Variants in KDM4B observed in about 807,000 individuals in gnomAD.
KDM4B encodes lysine demethylase 4B, also known as lysine-specific demethylase 4B.
A neutral mutation model predicts 125.2 loss-of-function variants in KDM4B; 32 were observed. The ratio of observed to expected loss-of-function variants is 0.26; its 90% CI spans 0.19 to 0.34. The LOEUF is 0.34. Ranked by LOEUF, KDM4B falls within the 10% of genes least tolerant of loss-of-function variation. The pLI is 1.00. For missense variants in KDM4B, 1,190 were observed against 1,577.7 expected, an observed-to-expected ratio of 0.75 and a Z score of 4.16; for synonymous variants, 721 against 677.9, an observed-to-expected ratio of 1.06 and a Z score of -0.99.
At chr19:5,079,220 G>A (rs560379816) in intron 8 of KDM4B, 2 of 152,314 alleles carry the variant, frequency 1.3e-5, no homozygotes, top group Admixed American at 6.5e-5. Context: ...AGGAAACCGA[G>A]TTCCGGGCTT....
rs1160102872 is a variant in KDM4B at position 5,081,272 on chromosome 19, C to T, written c.781-1095C>T. Among the ~76,000 whole-genome samples, 1 of 152,172 alleles carries T rather than the reference C, an allele frequency of 6.6e-6. No homozygotes were observed. The highest frequency in any genetic ancestry group is 1.5e-5 in the Non-Finnish European group (1 of 68,022). ...CTCCTAGAAGCCCTTGGCCTGAGCC[C>T]CGGGGTGCAGCAGGTGGGAGCCATC... is the stretch of plus-strand genomic sequence containing the variant. On this transcript the variant is annotated intron_variant, in intron 8 of 22. Transcript: ENST00000159111. The surrounding 1 kb of genome is among the most constrained non-coding windows in gnomAD (Gnocchi z 4.2).
At chr19:4,991,050 G>A (rs1181812690) in intron 1 of KDM4B, among the ~76,000 whole-genome samples, 2 of 152,142 alleles carry the variant, frequency 1.3e-5, no homozygotes, top group Non-Finnish European at 2.9e-5. Context: ...CCCAGGAGGC[G>A]GAGGATGCAG....
In KDM4B at chr19:5,081,600, T is replaced by C. The variant is rs1029157940; in HGVS notation, c.781-767T>C. ...TGCTTCAGAGACCTGCAAAGTCGAATGGGCCGAACATCCGAATTGGACCTG... is the reference window on the plus strand; with the variant it reads ...TGCTTCAGAGACCTGCAAAGTCGAACGGGCCGAACATCCGAATTGGACCTG... On this transcript the variant is annotated intron_variant, in intron 8 of 22. Transcript: ENST00000159111. The surrounding 1 kb of genome is among the most constrained non-coding windows in gnomAD (Gnocchi z 4.2). Among the ~76,000 whole-genome samples, 1 of 152,192 alleles carries C rather than the reference T, an allele frequency of 6.6e-6. No individual in the cohort carries two copies. Among genetic ancestry groups the C allele is most frequent in the East Asian group, 1.9e-4 (1 of 5,190 alleles).
rs2039149755 is a variant in KDM4B at position 5,111,697 on chromosome 19, G to A, written c.1115+879G>A. ...CTGAGCATGAGCTGGAGCCGGGAGG[G>A]ACGGCACAGAGTGGGCTCAGCCAAC... On this transcript the variant is annotated intron_variant, in intron 10 of 22. Coordinates refer to ENST00000159111, the MANE Select transcript of KDM4B (RefSeq NM_015015.3). The A allele has an allele frequency of 5.3e-6, 4 of 749,666 alleles. No homozygotes were observed. In the Admixed American group the frequency reaches 6.9e-5, roughly 13 times the overall value. 46.4% of individuals were successfully genotyped at this position (749,666 alleles called of 1,614,324 possible). A position where few individuals can be genotyped will look rare whatever the true frequency, so the allele number is the denominator to read the frequency against.
chr19:5,093,429 G>A (rs1359603520), intron 9 of KDM4B, among the ~76,000 whole-genome samples: 3 of 152,308 alleles, frequency 2.0e-5, no homozygotes, highest in Non-Finnish European at 4.4e-5. Context: ...GAATGGCCCC[G>A]CAGCCGAAGC....
chr19:5,147,176 C>G (rs114873248), intron 21 of KDM4B, among the ~76,000 whole-genome samples: 2,128 of 152,234 alleles, frequency 0.014, 41 homozygotes, highest in African/African-American at 0.049. Flanking sequence ...GTGCCAGTCT[C>G]TCTCCCTCCC....
In KDM4B at chr19:5,135,330, CCCCTACAGG is replaced by C; in HGVS notation, c.2086_2094del (p.Ala696_Gln698del). The C allele has an allele frequency of 6.3e-7, 1 of 1,593,856 alleles. No homozygotes were observed. Among genetic ancestry groups the C allele is most frequent in the East Asian group, 2.2e-5 (1 of 44,780 alleles). On this transcript the variant is annotated splice_acceptor_variant and splice_polypyrimidine_tract_variant and coding_sequence_variant and intron_variant, in exon 15 of 23. Coordinates refer to ENST00000159111, the MANE Select transcript of KDM4B (RefSeq NM_015015.3). LOFTEE classifies it high-confidence loss of function. ...GCTCTGTCCCCTGAAGGTCGCCTCTCCCCTACAGGCCCTACAGACTGAGAAGGAGGCACC... is the reference window on the plus strand; with the variant it reads ...GCTCTGTCCCCTGAAGGTCGCCTCTCCCCTACAGACTGAGAAGGAGGCACC...
At chr19:5,056,553 G>C (rs1308724564) in intron 6 of KDM4B, among the ~76,000 whole-genome samples, 2 of 152,024 alleles carry the variant, frequency 1.3e-5, no homozygotes, top group Admixed American at 6.6e-5. Flanking sequence ...TTACAGGTGC[G>C]TGCTGCCACA....
At chr19:5,138,145 C>A in intron 18 of KDM4B, 75 bp downstream of exon 18, 3 of 1,117,138 alleles carry the variant, frequency 2.7e-6, no homozygotes, top group Non-Finnish European at 3.9e-6. Flanking sequence ...CCCACCTGCG[C>A]GATCTGAAGC....
intron 1 of KDM4B, among the ~76,000 whole-genome samples, chr19:4,977,578 G>T (rs1347215878): frequency 2.0e-5 from 3 of 152,226 alleles, no homozygotes; most frequent in African/African-American, 7.2e-5. Flanking sequence ...GGCTGCCCTA[G>T]TCTCCAGGGA....
Position 5,142,350 on chromosome 19 carries a change from G to A in KDM4B, c.2551-1617G>A, listed in dbSNP as rs934331946. Among the ~76,000 whole-genome samples, 1 of 152,202 alleles carries A rather than the reference G, an allele frequency of 6.6e-6. No individual in the cohort carries two copies. Among genetic ancestry groups the A allele is most frequent in the South Asian group, 2.1e-4 (1 of 4,830 alleles). On this transcript the variant is annotated intron_variant, in intron 18 of 22. Transcript: ENST00000159111. This position sits in a 1 kb window ranked among gnomAD's most constrained non-coding sequence, Gnocchi z 5.4. Reference sequence around the variant, plus strand: ...GCCAAGAACGCCTGCCCGACCTCCTGTGGCCACAGCGCGTGGCGTGACTGG... The same window carrying A: ...GCCAAGAACGCCTGCCCGACCTCCTATGGCCACAGCGCGTGGCGTGACTGG...
At chr19:5,120,828 A>G (rs939724137) in intron 11 of KDM4B, among the ~76,000 whole-genome samples, 14 of 152,052 alleles carry the variant, frequency 9.2e-5, no homozygotes, top group African/African-American at 2.9e-4. Context: ...TGTGCTGGCC[A>G]GCCTGCCTCC....
At chr19:5,003,440 C>T (rs1599391566) in intron 1 of KDM4B, among the ~76,000 whole-genome samples, 1 of 151,958 alleles carries the variant, frequency 6.6e-6, no homozygotes, top group African/African-American at 2.4e-5. Flanking sequence ...AAGATCGTGC[C>T]ATTGCACTCC....
rs561843023 is a variant in KDM4B, at chr19:5,090,958, T to C, written c.918+8454T>C. Among the ~76,000 whole-genome samples, 9 of 152,192 alleles carry C rather than the reference T, an allele frequency of 5.9e-5. No individual in the cohort carries two copies. The South Asian group carries it at 1.7e-3, about 28-fold the overall frequency. Reference sequence around the variant, plus strand: ...CTGGAGGGGTCTCCAAGGCGGCGGCTTCCTGTCTCAGAGCAGGATCCCCCG... The same window carrying C: ...CTGGAGGGGTCTCCAAGGCGGCGGCCTCCTGTCTCAGAGCAGGATCCCCCG... On this transcript the variant is annotated intron_variant, in intron 9 of 22. Transcript: ENST00000159111.
intron 1 of KDM4B, among the ~76,000 whole-genome samples, chr19:4,972,626 C>G (rs2034300183): frequency 6.6e-6 from 1 of 152,256 alleles, no homozygotes; most frequent in African/African-American, 2.4e-5. Flanking sequence ...CTGGGAAGCA[C>G]TGTCAACCCC....
chr19:5,038,714 C>T (rs767310507), intron 3 of KDM4B, among the ~76,000 whole-genome samples: 12 of 152,216 alleles, frequency 7.9e-5, no homozygotes, highest in Non-Finnish European at 1.3e-4. Flanking sequence ...CGCTGTGTGC[C>T]TCAGTTTCTT....
chr19:5,109,748 G>T (rs911127822), intron 9 of KDM4B, among the ~76,000 whole-genome samples: 1 of 152,224 alleles, frequency 6.6e-6, no homozygotes, highest in African/African-American at 2.4e-5. Context: ...AGTCAGGTGA[G>T]GCGTGCGGGA....
chr19:5,048,167 A>G (rs2037089494), intron 6 of KDM4B, among the ~76,000 whole-genome samples: 1 of 152,122 alleles, frequency 6.6e-6, no homozygotes, highest in Admixed American at 6.5e-5. Flanking sequence ...GCCTGTGTGC[A>G]GTGTGGTGGA....
rs867667740 is a variant in KDM4B at position 5,052,437 on chromosome 19, G to T, written c.626+4768G>T. On this transcript the variant is annotated intron_variant, in intron 6 of 22. Transcript: ENST00000159111. ...AGCCCGGGCTTCCTGCCCTGTGGCC[G>T]CAGGTGGGTGGAAGGCAGAGCCTGG... Among the ~76,000 whole-genome samples, 3 of 152,238 alleles carry T rather than the reference G, an allele frequency of 2.0e-5. No individual in the cohort carries two copies. In the South Asian group the frequency reaches 6.2e-4, roughly 31 times the overall value.
Sources: allele counts gnomAD v4.1 joint callset (sites outside exome capture counted in the v4.1 genomes callset), GRCh38; gene constraint gnomAD v4.1.1; non-coding constraint Gnocchi (gnomAD v3.1); transcripts MANE v1.5; gene names NCBI Gene and HGNC (gene_info 2026-07-23, HGNC 2026-07-21).